MED13: variants seen among roughly 807,000 people sequenced by gnomAD.
The protein encoded by MED13 is mediator complex subunit 13, also known as mediator of RNA polymerase II transcription subunit 13.
A neutral mutation model predicts 225.2 loss-of-function variants in MED13; 23 were observed. The observed-to-expected ratio is 0.10, with a 90% CI of 0.07 to 0.14. MED13 has a LOEUF of 0.14. Ranked by LOEUF, MED13 falls within the 10% of genes least tolerant of loss-of-function variation. The probability of loss-of-function intolerance (pLI) is 1.00; values close to 1 mark genes in which losing one functional copy is unlikely to be tolerated. For missense variants in MED13, 2,197 were observed against 2,594.5 expected, an observed-to-expected ratio of 0.85 and a Z score of 3.33; for synonymous variants, 942 against 889.2, an observed-to-expected ratio of 1.06 and a Z score of -1.06.
At chr17:62,018,327 A>T (rs2080602822) in intron 8 of MED13, among the ~76,000 whole-genome samples, 1 of 152,250 alleles carries the variant, frequency 6.6e-6, no homozygotes, top group Non-Finnish European at 1.5e-5. Flanking sequence ...AGAATAAAAA[A>T]TAATATAAAT....
At chr17:62,020,966 G>T (rs1422631219) in intron 8 of MED13, among the ~76,000 whole-genome samples, 2 of 150,594 alleles carry the variant, frequency 1.3e-5, no homozygotes, top group Non-Finnish European at 3.0e-5. Flanking sequence ...TTAACCCTGA[G>T]TGGACACAGC....
At chr17:61,987,151 T>C (rs201647185) in intron 11 of MED13, 23 bp from the exon 12 acceptor site, 139 of 1,564,426 alleles carry the variant, frequency 8.9e-5, no homozygotes, top group Middle Eastern at 3.4e-4. Flanking sequence ...ATCAGAAAAA[T>C]AAAATTAAAA....
intron 8 of MED13, among the ~76,000 whole-genome samples, chr17:62,011,513 T>G (rs889984402): frequency 6.6e-6 from 1 of 152,194 alleles, no homozygotes; most frequent in African/African-American, 2.4e-5. Context: ...ATTTAAATAT[T>G]TTAGTATCTA....
intron 3 of MED13, among the ~76,000 whole-genome samples, chr17:62,039,824 C>T (rs549184951): frequency 6.6e-6 from 1 of 152,162 alleles, no homozygotes; most frequent in South Asian, 2.1e-4. Context: ...GTCTTGAACA[C>T]CTAACCTCAG....
At chr17:62,031,204 A>G in intron 6 of MED13, 1 of 352,974 alleles carries the variant, frequency 2.8e-6, no homozygotes, top group East Asian at 5.3e-5. Context: ...ATGGGACATC[A>G]TGTCTGTAGG....
chr17:61,981,017 C>A (rs932240802), intron 16 of MED13, among the ~76,000 whole-genome samples: 6 of 149,212 alleles, frequency 4.0e-5, no homozygotes, highest in African/African-American at 1.3e-4. Context: ...AGCCACCGCA[C>A]CCAGCCATTT....
chr17:61,985,030 TCTTTGATTCCTTGCAGCTGG>T lies in MED13; in HGVS notation c.2426_2445del (p.Ala809AspfsTer17). 6.2e-7 allele frequency: 1 copy of T among 1,614,052 alleles called. No homozygotes were observed. The highest frequency in any genetic ancestry group is 2.2e-5 in the East Asian group (1 of 44,856). On this transcript the variant is annotated frameshift_variant, in exon 13 of 30. Transcript: ENST00000397786. LOFTEE classifies it high-confidence loss of function. Reference sequence around the variant, plus strand: ...CAAGATAACGGGTCCAGATTTCCTGTCTTTGATTCCTTGCAGCTGGCTTTATCATCTGATCCATTTGCTGA... The same window carrying T: ...CAAGATAACGGGTCCAGATTTCCTGTCTTTATCATCTGATCCATTTGCTGA...
intron 3 of MED13, among the ~76,000 whole-genome samples, chr17:62,049,127 AG>A (rs1337168933): frequency 1.3e-5 from 2 of 148,532 alleles, no homozygotes; most frequent in African/African-American, 5.0e-5. Flanking sequence ...TCCAACAAGA[AG>A]GGAAAAGCAA....
At chr17:62,054,950 G>GT (rs1222464108) in intron 2 of MED13, among the ~76,000 whole-genome samples, 3 of 152,190 alleles carry the variant, frequency 2.0e-5, no homozygotes, top group Admixed American at 6.5e-5. Context: ...GTTACCATTT[G>GT]TAAGTATCAA....
chr17:61,997,462 A>G (rs1350285870), intron 9 of MED13, among the ~76,000 whole-genome samples: 3 of 152,192 alleles, frequency 2.0e-5, no homozygotes, highest in Admixed American at 2.0e-4. Flanking sequence ...TAGACTCTAA[A>G]TAACGGTTAG....
rs1488599127 is a variant in MED13 at position 62,003,833 on chromosome 17, C to T, written c.1967+6717G>A. On this transcript the variant is annotated intron_variant, in intron 9 of 29. Transcript: ENST00000397786. The stretch of plus-strand genomic sequence containing the variant: ...CAATCCAGTACCACTCTACCCTGCA[C>T]GCTACTTTTCTACACTATGCTTCCT... 2.0e-5 allele frequency: 3 copies of T among 152,086 alleles called. 1 individual carries two copies. Among genetic ancestry groups the T allele is most frequent in the Admixed American group, 6.6e-5 (1 of 15,260 alleles). 9.4% of individuals were successfully genotyped at this position (152,086 alleles called of 1,614,324 possible).
chr17:61,988,725 G>A (rs1358705059), intron 11 of MED13, among the ~76,000 whole-genome samples: 3 of 151,342 alleles, frequency 2.0e-5, no homozygotes, highest in Non-Finnish European at 2.9e-5. Context: ...ATTTGTTTCC[G>A]AGTTTTTTCG....
intron 9 of MED13, among the ~76,000 whole-genome samples, chr17:61,998,596 C>CTTTTTTTTTTTTT (rs58261678): frequency 8.7e-5 from 10 of 115,540 alleles, no homozygotes; most frequent in African/African-American, 3.2e-4. Context: ...TTCCCACCGC[C>CTTTTTTTTTTTTT]TTTTTTTTTT....
intron 3 of MED13, among the ~76,000 whole-genome samples, chr17:62,042,685 T>C (rs1255700292): frequency 6.6e-6 from 1 of 152,136 alleles, no homozygotes; most frequent in African/African-American, 2.4e-5. Context: ...ATTATGGTTT[T>C]TACTATTTCC....
intron 8 of MED13, among the ~76,000 whole-genome samples, chr17:62,024,190 G>C (rs1275114825): frequency 7.2e-5 from 11 of 151,974 alleles, no homozygotes; most frequent in Non-Finnish European, 1.3e-4. Flanking sequence ...GCTAATTTTT[G>C]TATTTTTAAT....
intron 11 of MED13, among the ~76,000 whole-genome samples, chr17:61,990,650 T>TATATATATAC (rs1491124278): frequency 0.045 from 6,385 of 140,766 alleles, 502 homozygotes; most frequent in African/African-American, 0.16. Context: ...TATATATATA[T>TATATATATAC]ACACACTCCC....
rs2079851371 is a variant in MED13, at chr17:61,946,312, A to G, written c.*156T>C. 3 of 810,792 alleles carry G rather than the reference A, an allele frequency of 3.7e-6. No individual in the cohort carries two copies. The South Asian group carries it at 5.7e-5, about 15-fold the overall frequency. The allele number at this position is 810,792 out of a possible 1,614,324, so 50.2% of individuals were successfully genotyped here. A position where few individuals can be genotyped will look rare whatever the true frequency, so the allele number is the denominator to read the frequency against. Reference sequence around the variant, plus strand: ...AGTCAATGAAAAATAGCAGGGTTATAGCCCCTCCCCCCAAGTCAAAACAAT... The same window carrying G: ...AGTCAATGAAAAATAGCAGGGTTATGGCCCCTCCCCCCAAGTCAAAACAAT... On this transcript the variant is annotated 3_prime_UTR_variant, in exon 30 of 30. Transcript: ENST00000397786.
At chr17:62,029,765 C>A (rs2080737079) in intron 7 of MED13, 86 bp downstream of exon 7, 3 of 1,514,432 alleles carry the variant, frequency 2.0e-6, no homozygotes, top group Non-Finnish European at 2.7e-6. Flanking sequence ...AAAAATCAAA[C>A]AAATGACTGT....
chr17:62,028,256 A>G (rs1339782525), intron 8 of MED13, among the ~76,000 whole-genome samples: 1 of 152,220 alleles, frequency 6.6e-6, no homozygotes, highest in African/African-American at 2.4e-5. Context: ...CTGCAGGAAC[A>G]TGGATGAGCT....
Sources: allele counts gnomAD v4.1 joint callset (sites outside exome capture counted in the v4.1 genomes callset), GRCh38; gene constraint gnomAD v4.1.1; transcripts MANE v1.5; gene names NCBI Gene and HGNC (gene_info 2026-07-23, HGNC 2026-07-21).